SHANK2: variants seen among roughly 807,000 people sequenced by gnomAD.
The protein encoded by SHANK2 is SH3 and multiple ankyrin repeat domains protein 2.
A neutral mutation model predicts 133.7 loss-of-function variants in SHANK2; 43 were observed. The ratio of observed to expected loss-of-function variants is 0.32; its 90% confidence interval spans 0.25 to 0.41. SHANK2 has a LOEUF of 0.41. Among genes scored for constraint, SHANK2 ranks in the 10% least tolerant of loss-of-function variants. The pLI is 1.00. For missense variants in SHANK2, 1,994 were observed against 2,235.8 expected (o/e 0.89, Z 2.18); for synonymous variants, 1,017 against 952.8 (o/e 1.07, Z -1.24).
chr11:70,661,790 G>A, intron 15 of SHANK2, 112 bp from the exon 16 acceptor site: 1 of 1,613,130 alleles, frequency 6.2e-7, no homozygotes, highest in East Asian at 2.2e-5. Flanking sequence ...ACCCCAGCTC[G>A]CCAGATCCAG....
intron 14 of SHANK2, among the ~76,000 whole-genome samples, chr11:70,738,093 G>A (rs1316728417): frequency 8.5e-5 from 13 of 152,258 alleles, no homozygotes; most frequent in African/African-American, 2.4e-4. Context: ...CTTGCATATC[G>A]CATGGTTGGC....
At chr11:71,090,204 G>GTGTA (rs1951483800) in intron 8 of SHANK2, among the ~76,000 whole-genome samples, 1 of 97,490 alleles carries the variant, frequency 1.0e-5, no homozygotes, top group Non-Finnish European at 2.2e-5. Context: ...GTGTGTATGT[G>GTGTA]TCCTGCTGCT....
intron 2 of SHANK2, among the ~76,000 whole-genome samples, chr11:71,151,360 C>T (rs1368487459): frequency 9.2e-5 from 14 of 152,166 alleles, no homozygotes; most frequent in African/African-American, 3.4e-4. Flanking sequence ...TGCCGGGTAG[C>T]GGGGTGCACT....
chr11:71,104,040 T>A (rs1386350578), intron 6 of SHANK2, among the ~76,000 whole-genome samples: 2 of 152,024 alleles, frequency 1.3e-5, no homozygotes, highest in East Asian at 1.9e-4. Flanking sequence ...ACCAGCTTCC[T>A]GTACAGCCTG....
Position 70,569,296 on chromosome 11 carries a change from G to A in SHANK2, c.2062-66365C>T, listed in dbSNP as rs1156968058. Among the ~76,000 whole-genome samples the A allele has an allele frequency of 6.6e-6, 1 of 152,248 alleles. No homozygotes were observed. The highest frequency in any genetic ancestry group is 2.4e-5 in the African/African-American group (1 of 41,462). ...AAGCCATGCCGCTGGGGTCCTGGGGGGTCAGGCTCGGGAGCGTCTGGGGTG... is the reference window on the plus strand; with the variant it reads ...AAGCCATGCCGCTGGGGTCCTGGGGAGTCAGGCTCGGGAGCGTCTGGGGTG... On this transcript the variant is annotated intron_variant, in intron 17 of 25. Transcript: ENST00000601538. This position sits in a 1 kb window ranked among gnomAD's most constrained non-coding sequence, Gnocchi z 5.1.
chr11:70,901,430 T>C (rs966858168), intron 10 of SHANK2, among the ~76,000 whole-genome samples: 21 of 152,192 alleles, frequency 1.4e-4, no homozygotes, highest in African/African-American at 4.6e-4. Flanking sequence ...GGGGAAGGAC[T>C]AGTCCTGTAA....
chr11:70,668,565 A>G (rs1364530008), intron 15 of SHANK2: 1 of 152,384 alleles, frequency 6.6e-6, no homozygotes, highest in African/African-American at 2.4e-5. Flanking sequence ...TGAGCCCCCT[A>G]GTCTGTGGTG....
chr11:70,807,075 G>C lies in SHANK2; in HGVS notation c.1590C>G (p.Leu530=). The C allele has an allele frequency of 1.4e-6, 1 of 718,014 alleles. No homozygotes were observed. Among genetic ancestry groups the C allele is most frequent in the Non-Finnish European group, 2.6e-6 (1 of 385,010 alleles). The allele number at this position is 718,014 out of a possible 1,614,324, so 44.5% of individuals were successfully genotyped here. The change falls in exon 13 of 26, where the codon CTC becomes CTG. Residue 530 remains leucine (L), a synonymous_variant. Transcript: ENST00000601538. The surrounding 1 kb of genome is among the most constrained non-coding windows in gnomAD (Gnocchi z 4.8). ...GTTGGTATGGCTTGACAGCGACGAA[G>C]AGCCTCCCGGGCACGGCACTGTAGA... ...RKLYSAVPGR[L]FVAVKPYQPQ... is the part of the protein sequence containing the mutation.
At chr11:70,716,887 G>T (rs1945937255) in intron 14 of SHANK2, among the ~76,000 whole-genome samples, 1 of 122,700 alleles carries the variant, frequency 8.1e-6, no homozygotes, top group Non-Finnish European at 1.8e-5. Flanking sequence ...ACTGGACCGG[G>T]TCCCGGAGCC....
At chr11:71,132,735 C>G in intron 3 of SHANK2, among the ~76,000 whole-genome samples, 1 of 152,102 alleles carries the variant, frequency 6.6e-6, no homozygotes, top group East Asian at 1.9e-4. Context: ...TGCCCTGTGA[C>G]GTGAATAATA....
intron 11 of SHANK2, among the ~76,000 whole-genome samples, chr11:70,841,516 T>G (rs1433695440): frequency 6.6e-6 from 1 of 152,304 alleles, no homozygotes; most frequent in East Asian, 1.9e-4. Flanking sequence ...GGAGTCTGCC[T>G]TTGGCCCCAT....
rs368156651 is a variant in SHANK2, at chr11:70,533,685, G to T, written c.2062-30754C>A. On this transcript the variant is annotated intron_variant, in intron 17 of 25. Transcript: ENST00000601538. ...AATGTAAAATTCACACTTTTAAAGT[G>T]TGCGACTCCATGGCATTTAGTACAT... 1.1e-4 allele frequency among the ~76,000 whole-genome samples: 16 copies of T among 152,148 alleles called. No homozygotes were observed. The East Asian group carries it at 2.5e-3, about 24-fold the overall frequency.
At chr11:70,720,587 G>C (rs1565268340) in intron 14 of SHANK2, among the ~76,000 whole-genome samples, 1 of 152,248 alleles carries the variant, frequency 6.6e-6, no homozygotes, top group East Asian at 1.9e-4. Flanking sequence ...GGCCCTAAGA[G>C]GTCCCCAGGA....
intron 17 of SHANK2, among the ~76,000 whole-genome samples, chr11:70,618,425 C>T (rs548562480): frequency 1.5e-4 from 23 of 152,236 alleles, no homozygotes; most frequent in Middle Eastern, 3.4e-3. Context: ...CAGAGTTAAC[C>T]GCCATTTATG....
intron 17 of SHANK2, among the ~76,000 whole-genome samples, chr11:70,561,969 A>G (rs2059913044): frequency 6.6e-6 from 1 of 152,234 alleles, no homozygotes; most frequent in African/African-American, 2.4e-5. Flanking sequence ...CTTTAGAGGC[A>G]TTCCACACAT....
rs782290298 is a variant in SHANK2, at chr11:70,504,830, C to T, written c.2062-1899G>A. Among the ~76,000 whole-genome samples, 20 of 152,152 alleles carry T rather than the reference C, an allele frequency of 1.3e-4. 1 individual carries two copies. Among genetic ancestry groups the T allele is most frequent in the Admixed American group, 2.6e-4 (4 of 15,272 alleles). On this transcript the variant is annotated intron_variant, in intron 17 of 25. Coordinates refer to ENST00000601538, the MANE Select transcript of SHANK2 (RefSeq NM_012309.5). The stretch of plus-strand genomic sequence containing the variant: ...GGCAGACCTCAGCTTGCAGGACCCT[C>T]GCTGCTCTGGTACAGACAGGCAACC...
At chr11:71,074,247 A>G (rs1951189419) in intron 9 of SHANK2, among the ~76,000 whole-genome samples, 1 of 152,216 alleles carries the variant, frequency 6.6e-6, no homozygotes, top group East Asian at 1.9e-4. Flanking sequence ...TGTGAGAAAC[A>G]AACTTACCCG....
chr11:70,666,390 AG>A (rs1271462977), intron 15 of SHANK2, among the ~76,000 whole-genome samples: 2 of 151,992 alleles, frequency 1.3e-5, no homozygotes, highest in Admixed American at 6.5e-5. Context: ...GCAATCAGAC[AG>A]GGGGGTCTCA....
At chr11:71,218,575 A>AAATTGAATCTGTGGT (rs1954467032) in intron 2 of SHANK2, among the ~76,000 whole-genome samples, 1 of 152,060 alleles carries the variant, frequency 6.6e-6, no homozygotes, top group Non-Finnish European at 1.5e-5. Flanking sequence ...TTCTATTTTT[A>AAATTGAATCTGTGGT]AATTGAATCT....
Sources: gnomAD v4.1 joint callset for allele counts (sites outside exome capture counted in the v4.1 genomes callset) on GRCh38, gnomAD v4.1.1 for gene constraint, Gnocchi (gnomAD v3.1) non-coding constraint, MANE v1.5 for transcripts, NCBI Gene and HGNC (gene_info 2026-07-23, HGNC 2026-07-21) for gene names.